Variants in TOR1AIP1 observed in about 807,000 individuals in gnomAD.
TOR1AIP1 encodes torsin 1A interacting protein 1.
A neutral mutation model predicts 63.3 loss-of-function variants in TOR1AIP1; 54 were observed. The observed-to-expected ratio is 0.85, with a 90% CI of 0.69 to 1.07. The LOEUF (loss-of-function observed/expected upper bound fraction) is 1.07, where lower values mean the gene tolerates loss of function less well. TOR1AIP1 is among the 50% of genes least tolerant of loss of function. TOR1AIP1 has a pLI of 0.00. For missense variants in TOR1AIP1, 736 were observed against 715.0 expected, an observed-to-expected ratio of 1.03 and a Z score of -0.33; for synonymous variants, 294 against 273.5, an observed-to-expected ratio of 1.07 and a Z score of -0.74.
At chr1:179,907,911 C>CTAT in intron 7 of TOR1AIP1, 47 bp downstream of exon 7, 123 of 636,274 alleles carry the variant, frequency 1.9e-4, no homozygotes, top group Middle Eastern at 1.0e-3. Context: ...CAATTCTTTT[C>CTAT]TCTTTTTTTT....
At chr1:179,883,383 C>A (rs190344779) in intron 1 of TOR1AIP1, among the ~76,000 whole-genome samples, 358 of 152,316 alleles carry the variant, frequency 2.4e-3, no homozygotes, top group Admixed American at 3.3e-3. Flanking sequence ...CTTTAACGCT[C>A]GCGGGCCAGA....
chr1:179,884,534 G>T (rs1197231960), intron 1 of TOR1AIP1, among the ~76,000 whole-genome samples, 158 bp from the exon 2 acceptor site: 1 of 152,028 alleles, frequency 6.6e-6, no homozygotes, highest in African/African-American at 2.4e-5. Flanking sequence ...GTTCTGACTG[G>T]TATATTTCCT....
rs571671450 is a variant in TOR1AIP1 at position 179,903,894 on chromosome 1, C to T, written c.740-72C>T. On this transcript the variant is annotated intron_variant, in intron 5 of 9. Transcript: ENST00000606911. The stretch of plus-strand genomic sequence containing the variant: ...ATTTTTGCTCTTTTTATTAATTTCT[C>T]ACTGTTGTCTTGTAAAATGTACAGT... The T allele has an allele frequency of 1.7e-5, 18 of 1,046,454 alleles. 1 individual carries two copies. In the East Asian group the frequency reaches 4.2e-4, roughly 25 times the overall value. The allele number at this position is 1,046,454 out of a possible 1,614,324, so 64.8% of individuals were successfully genotyped here. A position where few individuals can be genotyped will look rare whatever the true frequency, so the allele number is the denominator to read the frequency against.
In TOR1AIP1 at chr1:179,882,646, T is replaced by C. The variant is rs758399307; in HGVS notation, c.144T>C (p.Pro48=). The C allele has an allele frequency of 3.2e-6, 5 of 1,573,818 alleles. No individual in the cohort carries two copies. The highest frequency in any genetic ancestry group is 1.2e-5 in the South Asian group (1 of 84,708). ...GSSDAPAYRT[P]PSRQGRREVR... is the part of the protein sequence containing the mutation. ...GCGATGCGCCTGCGTACAGAACTCC[T>C]CCGTCGCGCCAGGGCCGGCGGGAAG... Residue 48 remains proline (P), a synonymous_variant, in exon 1 of 10, where the codon CCT becomes CCC. Coordinates refer to ENST00000606911, the MANE Select transcript of TOR1AIP1 (RefSeq NM_015602.4).
At chr1:179,894,679 T>G (rs1009867379) in intron 3 of TOR1AIP1, among the ~76,000 whole-genome samples, 5 of 151,668 alleles carry the variant, frequency 3.3e-5, no homozygotes, top group Non-Finnish European at 5.9e-5. Flanking sequence ...AGAGCAAGAC[T>G]CCATCTCAAA....
chr1:179,889,308 AGC>A lies in TOR1AIP1; in HGVS notation c.554-4_554-3del, dbSNP rs1385150279. On this transcript the variant is annotated splice_region_variant and splice_polypyrimidine_tract_variant and intron_variant, in intron 2 of 9. Transcript: ENST00000606911. ...TTTAAATGTTTTCTCTTCCTATATT[AGC>A]AGTGAGTGAAGATCTTGTAATCAGG... is the stretch of plus-strand genomic sequence containing the variant. 1 of 1,592,406 alleles carries A rather than the reference AGC, an allele frequency of 6.3e-7. No individual in the cohort carries two copies. The highest frequency in any genetic ancestry group is 1.7e-5 in the Admixed American group (1 of 59,788).
rs1648407351 is a variant in TOR1AIP1, at chr1:179,900,221, TTAGAAGCC to T, written c.652+55_652+62del. 15 of 1,238,710 alleles carry T rather than the reference TTAGAAGCC, an allele frequency of 1.2e-5. No homozygotes were observed. The East Asian group carries it at 3.8e-4, about 32-fold the overall frequency. 76.7% of individuals were successfully genotyped at this position (1,238,710 alleles called of 1,614,324 possible). ...TATACTTTAAGTCTTTTTCTTTACA[TTAGAAGCC>T]ATTCTGATAGATATTTAAGAAGTGG... On this transcript the variant is annotated intron_variant, in intron 4 of 9. Transcript: ENST00000606911.
rs1271882866 is a variant in TOR1AIP1, at chr1:179,882,530, G to A, written c.28G>A (p.Ala10Thr). 2 of 1,466,748 alleles carry A rather than the reference G, an allele frequency of 1.4e-6. No individual in the cohort carries two copies. The highest frequency in any genetic ancestry group is 1.4e-5 in the African/African-American group (1 of 70,144). 90.9% of individuals were successfully genotyped at this position (1,466,748 alleles called of 1,614,324 possible). MAGDGRRAE[A>T]VREGWGVYVT... ...GGCGGGCGACGGGCGGCGGGCAGAG[G>A]CGGTGCGGGAAGGATGGGGTGTGTA... The change falls in exon 1 of 10, where the codon GCG becomes ACG. Residue 10 changes from alanine (A) to threonine (T), a missense_variant. By Grantham distance (58) the Ala-to-Thr change is moderately conservative. Around this residue, in one of 2 missense-constraint regions of TOR1AIP1, gnomAD observed 464 missense variants for 371.0 expected, o/e 1.25. Coordinates refer to ENST00000606911, the MANE Select transcript of TOR1AIP1 (RefSeq NM_015602.4).
chr1:179,903,884 A>C (rs1350955923), intron 5 of TOR1AIP1, 82 bp from the exon 6 acceptor site: 9 of 969,054 alleles, frequency 9.3e-6, no homozygotes, highest in Middle Eastern at 3.1e-4. Flanking sequence ...TGCTCTTTTT[A>C]TTAATTTCTC....
chr1:179,903,274 GAAGA>G (rs1009582602), intron 5 of TOR1AIP1, among the ~76,000 whole-genome samples: 8 of 151,742 alleles, frequency 5.3e-5, no homozygotes, highest in African/African-American at 9.7e-5. Context: ...AAAAGAAGAA[GAAGA>G]AAGAAAGAAA....
In TOR1AIP1 at chr1:179,918,147, C is replaced by G; in HGVS notation, c.1660C>G (p.Pro554Ala). ...NTPNSYNHMD[P>A]DKLNGLWSRI... Reference sequence around the variant, plus strand: ...ACCCAACTCCTACAATCATATGGACCCAGACAAACTGAATGGCCTCTGGAG... The same window carrying G: ...ACCCAACTCCTACAATCATATGGACGCAGACAAACTGAATGGCCTCTGGAG... The change falls in exon 10 of 10, where the codon CCA (proline) becomes GCA (alanine). Residue 554 changes from proline to alanine, a missense_variant. Physicochemically the swap from Pro to Ala is conservative, Grantham distance 27. Transcript: ENST00000606911. 1 of 1,613,612 alleles carries G rather than the reference C, an allele frequency of 6.2e-7. No homozygotes were observed. The highest frequency in any genetic ancestry group is 2.2e-5 in the East Asian group (1 of 44,884).
intron 9 of TOR1AIP1, among the ~76,000 whole-genome samples, chr1:179,915,668 G>C (rs888343579): frequency 1.2e-4 from 19 of 152,148 alleles, no homozygotes; most frequent in Admixed American, 1.1e-3. Flanking sequence ...TGAGGCAGGA[G>C]AATCACTTGA....
At chr1:179,904,673 C>G (rs971152499) in intron 6 of TOR1AIP1, 2 of 152,140 alleles carry the variant, frequency 1.3e-5, no homozygotes, top group African/African-American at 4.8e-5. Flanking sequence ...GTTACCCAGG[C>G]AAGTGTAGTG....
At chr1:179,906,743 C>CCTTT (rs1491104735) in intron 6 of TOR1AIP1, among the ~76,000 whole-genome samples, 1 of 39,854 alleles carries the variant, frequency 2.5e-5, no homozygotes, top group Non-Finnish European at 5.0e-5. Flanking sequence ...CCCCCCCCCC[C>CCTTT]TTTTTTTTTT....
chr1:179,882,702 A>T lies in TOR1AIP1; in HGVS notation c.200A>T (p.Tyr67Phe). 1 of 1,612,494 alleles carries T rather than the reference A, an allele frequency of 6.2e-7. No homozygotes were observed. The highest frequency in any genetic ancestry group is 2.2e-5 in the East Asian group (1 of 44,866). Residue 67 changes from tyrosine (Y) to phenylalanine (F), a missense_variant, in exon 1 of 10, where the codon TAC (tyrosine) becomes TTC (phenylalanine). This residue lies in a region of TOR1AIP1 where 464 missense variants were observed against 371.0 expected (regional missense o/e 1.25). Transcript: ENST00000606911. ...VRFSDEPPEV[Y>F]GDFEPLVAKE... is the part of the protein sequence containing the mutation. The stretch of plus-strand genomic sequence containing the variant: ...TTCTCGGACGAGCCGCCAGAAGTGT[A>T]CGGCGACTTCGAGCCCCTGGTGGCC...
At chr1:179,883,436 C>G (rs1647809285) in intron 1 of TOR1AIP1, among the ~76,000 whole-genome samples, 1 of 152,328 alleles carries the variant, frequency 6.6e-6, no homozygotes, top group South Asian at 2.1e-4. Flanking sequence ...TTTCCCTCCT[C>G]ACCCAGGTGG....
At chr1:179,911,969 CTTTTTCTT>C (rs1229200112) in intron 8 of TOR1AIP1, among the ~76,000 whole-genome samples, 5 of 142,780 alleles carry the variant, frequency 3.5e-5, no homozygotes, top group Admixed American at 6.8e-5. Flanking sequence ...TGAGTTTTTT[CTTTTTCTT>C]TTTTTCTTTT....
At chr1:179,903,485 C>T (rs971443433) in intron 5 of TOR1AIP1, among the ~76,000 whole-genome samples, 2 of 151,414 alleles carry the variant, frequency 1.3e-5, no homozygotes, top group Admixed American at 1.3e-4. Context: ...TTAGATGTGA[C>T]ATGACTCTTT....
chr1:179,902,207 A>G (rs952858720), intron 5 of TOR1AIP1, among the ~76,000 whole-genome samples: 2 of 150,722 alleles, frequency 1.3e-5, no homozygotes, highest in African/African-American at 4.9e-5. Flanking sequence ...TGTATTTTTA[A>G]TAGAGATGAG....
Sources: gnomAD v4.1 joint callset for allele counts (sites outside exome capture counted in the v4.1 genomes callset) on GRCh38, gnomAD v4.1.1 for gene constraint, gnomAD v4.1.1 regional missense constraint, MANE v1.5 for transcripts, NCBI Gene and HGNC (gene_info 2026-07-23, HGNC 2026-07-21) for gene names.